The following SH2D4A variants were observed in gnomAD, a reference collection of about 807,000 sequenced individuals.
The protein encoded by SH2D4A is SH2 domain-containing protein 4A.
In SH2D4A, 70 loss-of-function variants were observed where a neutral mutation model predicts 64.7. That is an observed-to-expected ratio of 1.08 (90% CI 0.89 to 1.32). SH2D4A has a LOEUF of 1.32. SH2D4A is among the 40% of genes most tolerant of loss of function. The pLI is 0.00. For missense variants in SH2D4A, 706 were observed against 540.1 expected, an observed-to-expected ratio of 1.31 and a Z score of -3.04; for synonymous variants, 268 against 200.7, an observed-to-expected ratio of 1.34 and a Z score of -2.83.
At chr8:19,314,050 CGGTGT>C (rs2117154516) in intron 1 of SH2D4A, 3 of 1,039,492 alleles carry the variant, frequency 2.9e-6, no homozygotes, top group East Asian at 7.9e-5. Flanking sequence ...GTCCGGTGTC[CGGTGT>C]CCGGTGTCTG....
At chr8:19,370,035 T>C (rs1295873499) in intron 7 of SH2D4A, among the ~76,000 whole-genome samples, 1 of 152,032 alleles carries the variant, frequency 6.6e-6, no homozygotes, top group Non-Finnish European at 1.5e-5. Flanking sequence ...TCAAGAACAT[T>C]TTTGGTTTCT....
At chr8:19,350,666 T>C (rs1297111571) in intron 4 of SH2D4A, among the ~76,000 whole-genome samples, 3 of 152,082 alleles carry the variant, frequency 2.0e-5, no homozygotes, top group African/African-American at 2.4e-5. Context: ...GTATTTTCTG[T>C]AAAGACAGGG....
chr8:19,319,769 A>T, intron 2 of SH2D4A, 41 bp downstream of exon 2: 1 of 1,506,874 alleles, frequency 6.6e-7, no homozygotes, highest in East Asian at 2.4e-5. Context: ...TGTTGGTAGA[A>T]CAGCTCCTGG....
intron 6 of SH2D4A, 46 bp downstream of exon 6, chr8:19,361,360 A>G (rs371810224): frequency 1.6e-4 from 243 of 1,544,344 alleles, no homozygotes; most frequent in Non-Finnish European, 1.4e-4. Flanking sequence ...CTCTCAGCTG[A>G]TTCTCTCCCT....
At chr8:19,373,750 T>G in intron 8 of SH2D4A, 90 bp downstream of exon 8, 1 of 1,460,684 alleles carries the variant, frequency 6.8e-7, no homozygotes. Context: ...AAGCTTCCAT[T>G]TATTGGTGCT....
intron 6 of SH2D4A, among the ~76,000 whole-genome samples, chr8:19,362,261 G>T (rs59391930): frequency 6.6e-6 from 1 of 152,166 alleles, no homozygotes; most frequent in African/African-American, 2.4e-5. Context: ...CCTAGCATAA[G>T]GGAATATTTT....
chr8:19,385,636 C>T (rs937810348), intron 8 of SH2D4A, among the ~76,000 whole-genome samples: 2 of 152,040 alleles, frequency 1.3e-5, no homozygotes, highest in African/African-American at 2.4e-5. Context: ...ATCCTGTGTC[C>T]CACTCCTCCC....
intron 4 of SH2D4A, among the ~76,000 whole-genome samples, chr8:19,350,608 C>T (rs961839068): frequency 3.9e-5 from 6 of 152,076 alleles, no homozygotes; most frequent in Admixed American, 2.6e-4. Flanking sequence ...CCTCGCCTCC[C>T]GAGTAGCTGG....
chr8:19,381,105 A>C (rs1432556590), intron 8 of SH2D4A, among the ~76,000 whole-genome samples: 1 of 151,446 alleles, frequency 6.6e-6, no homozygotes, highest in Non-Finnish European at 1.5e-5. Flanking sequence ...GCTGAAGTGC[A>C]GTGGTATGAT....
At chr8:19,363,587 G>C (rs886071805) in intron 6 of SH2D4A, among the ~76,000 whole-genome samples, 1 of 152,056 alleles carries the variant, frequency 6.6e-6, no homozygotes, top group African/African-American at 2.4e-5. Context: ...TTCTCATTCT[G>C]TCCTGCTCTC....
chr8:19,374,405 T>C (rs1222926042), intron 8 of SH2D4A, among the ~76,000 whole-genome samples: 1 of 152,174 alleles, frequency 6.6e-6, no homozygotes, highest in Admixed American at 6.5e-5. Flanking sequence ...TAATTGGCTA[T>C]ATGGACAACA....
At chr8:19,361,368 C>A (rs2052885107) in intron 6 of SH2D4A, 54 bp downstream of exon 6, 1 of 1,523,904 alleles carries the variant, frequency 6.6e-7, no homozygotes, top group Non-Finnish European at 8.8e-7. Flanking sequence ...TGATTCTCTC[C>A]CTTAATAATG....
rs758030899 is a variant in SH2D4A, at chr8:19,313,851, T to C, written c.-205+28T>C. ...AGGTGCTGGGGGTGGGGCGAGGCTT[T>C]GGGGAGAGTGTGCGTGGGGTGGGAG... On this transcript the variant is annotated intron_variant, in intron 1 of 9. Transcript: ENST00000265807. 2.3e-5 allele frequency: 34 copies of C among 1,457,662 alleles called. No homozygotes were observed. In the South Asian group the frequency reaches 4.3e-4, roughly 19 times the overall value. 90.3% of individuals were successfully genotyped at this position (1,457,662 alleles called of 1,614,324 possible). A position where few individuals can be genotyped will look rare whatever the true frequency, so the allele number is the denominator to read the frequency against.
chr8:19,386,841 G>T (rs1410088307), intron 8 of SH2D4A, among the ~76,000 whole-genome samples: 5 of 152,238 alleles, frequency 3.3e-5, no homozygotes, highest in African/African-American at 1.2e-4. Context: ...ATGCAGTGGG[G>T]TGATCACAAC....
chr8:19,379,237 C>T (rs1046161489), intron 8 of SH2D4A, among the ~76,000 whole-genome samples: 4 of 152,174 alleles, frequency 2.6e-5, no homozygotes, highest in African/African-American at 9.7e-5. Flanking sequence ...TCTGACTATT[C>T]TAAATACCTC....
Position 19,395,707 on chromosome 8 carries a change from G to T in SH2D4A, c.*1065G>T, listed in dbSNP as rs1347543012. 6.6e-6 allele frequency: 1 copy of T among 152,180 alleles called. No homozygotes were observed. The highest frequency in any genetic ancestry group is 1.5e-5 in the Non-Finnish European group (1 of 68,080). The allele number at this position is 152,180 out of a possible 1,614,324, so 9.4% of individuals were successfully genotyped here. ...GGCCACCAGCAGAAGCCAGCAGAGA[G>T]GCATGGGACAGGTTCCCCACAAGCC... On this transcript the variant is annotated 3_prime_UTR_variant, in exon 10 of 10. Transcript: ENST00000265807.
At chr8:19,393,610 C>A in intron 9 of SH2D4A, 69 bp downstream of exon 9, 15 of 1,457,820 alleles carry the variant, frequency 1.0e-5, no homozygotes, top group African/African-American at 1.4e-5. Context: ...CAATGAATGA[C>A]AATTACAAAG....
At chr8:19,381,585 C>T (rs753233855) in intron 8 of SH2D4A, among the ~76,000 whole-genome samples, 4 of 152,098 alleles carry the variant, frequency 2.6e-5, no homozygotes, top group African/African-American at 2.4e-5. Flanking sequence ...TCTACATAGA[C>T]GATTGTATCA....
intron 6 of SH2D4A, among the ~76,000 whole-genome samples, chr8:19,361,896 C>G (rs1383486112): frequency 1.3e-5 from 2 of 152,056 alleles, no homozygotes; most frequent in Non-Finnish European, 2.9e-5. Context: ...TGTTAGCATC[C>G]CGCTCCTGCC....
Sources: gnomAD v4.1 joint callset for allele counts (sites outside exome capture counted in the v4.1 genomes callset) on GRCh38, gnomAD v4.1.1 for gene constraint, MANE v1.5 for transcripts, NCBI Gene and HGNC (gene_info 2026-07-23, HGNC 2026-07-21) for gene names.